Variants in PTPRK observed in about 807,000 individuals in gnomAD.
PTPRK encodes the protein receptor-type tyrosine-protein phosphatase kappa.
A neutral mutation model predicts 178.0 loss-of-function variants in PTPRK; 75 were observed. The ratio of observed to expected loss-of-function variants is 0.42; its 90% CI spans 0.35 to 0.51. PTPRK has a LOEUF of 0.51. PTPRK is among the 20% of genes least tolerant of loss of function. The pLI, the probability that PTPRK is intolerant of heterozygous loss-of-function variation, is 0.02. For synonymous variants in PTPRK, 637 were observed against 620.6 expected (o/e 1.03, Z -0.39); for missense variants, 1,441 against 1,797.8 (o/e 0.80, Z 3.59).
chr6:128,045,201 TACAC>T (rs140809889), intron 13 of PTPRK, among the ~76,000 whole-genome samples: 7 of 152,108 alleles, frequency 4.6e-5, no homozygotes, highest in African/African-American at 1.7e-4. Flanking sequence ...ATACTTATAT[TACAC>T]ACACACATTT....
intron 1 of PTPRK, among the ~76,000 whole-genome samples, chr6:128,469,608 G>C (rs569009712): frequency 6.6e-6 from 1 of 152,268 alleles, no homozygotes; most frequent in African/African-American, 2.4e-5. Flanking sequence ...ATTTAGATTA[G>C]ACTTGTGGTA....
At chr6:128,149,870 G>A (rs1419039416) in intron 7 of PTPRK, among the ~76,000 whole-genome samples, 3 of 152,108 alleles carry the variant, frequency 2.0e-5, no homozygotes, top group Non-Finnish European at 4.4e-5. Flanking sequence ...GGTAGTCACT[G>A]CTGAAGGCCT....
At chr6:128,346,896 T>C (rs1260013849) in intron 2 of PTPRK, among the ~76,000 whole-genome samples, 1 of 152,000 alleles carries the variant, frequency 6.6e-6, no homozygotes, top group Non-Finnish European at 1.5e-5. Context: ...CCTATAAAAA[T>C]AGGAAAGGAA....
At position 128,100,055 on chromosome 6, in the gene PTPRK, C is replaced by G. The variant is rs369665725; in HGVS notation, c.1163-10063G>C. 3.3e-5 allele frequency among the ~76,000 whole-genome samples: 5 copies of G among 151,988 alleles called. No homozygotes were observed. The South Asian group carries it at 1.0e-3, about 31-fold the overall frequency. On this transcript the variant is annotated intron_variant, in intron 7 of 29. Coordinates refer to ENST00000368226, the MANE Select transcript of PTPRK (RefSeq NM_002844.4). ...AGATGAATAAAACCTATCTAGTGCA[C>G]CAAAACATGAATCAGCATGTCAACA...
At chr6:128,067,899 A>G in intron 11 of PTPRK, 107 bp from the exon 12 acceptor site, 1 of 1,051,628 alleles carries the variant, frequency 9.5e-7, no homozygotes, top group Non-Finnish European at 1.3e-6. Context: ...ACCACATTTC[A>G]AAGTATTTAA....
At chr6:128,008,255 A>G (rs1002679608) in intron 14 of PTPRK, among the ~76,000 whole-genome samples, 2 of 151,038 alleles carry the variant, frequency 1.3e-5, no homozygotes, top group Admixed American at 1.3e-4. Flanking sequence ...ATCACTTATT[A>G]TATTTTTCAA....
At chr6:128,230,210 T>C (rs1187197865) in intron 5 of PTPRK, among the ~76,000 whole-genome samples, 1 of 152,158 alleles carries the variant, frequency 6.6e-6, no homozygotes, top group Non-Finnish European at 1.5e-5. Flanking sequence ...AGGGCATTAG[T>C]ATGCAATCAG....
At chr6:128,092,884 A>G (rs1474509711) in intron 7 of PTPRK, among the ~76,000 whole-genome samples, 1 of 152,304 alleles carries the variant, frequency 6.6e-6, no homozygotes, top group Admixed American at 6.5e-5. Context: ...AATCAAAATA[A>G]TTACTTGAAT....
intron 21 of PTPRK, among the ~76,000 whole-genome samples, chr6:127,990,406 T>C (rs980970573): frequency 3.3e-5 from 5 of 152,144 alleles, no homozygotes; most frequent in South Asian, 2.1e-4. Context: ...TGAGTTTTTC[T>C]TTGATCATCC....
intron 14 of PTPRK, chr6:128,008,016 T>C (rs1248642230): frequency 7.7e-7 from 1 of 1,301,348 alleles, no homozygotes; most frequent in Non-Finnish European, 1.0e-6. Flanking sequence ...CGTATGTAGC[T>C]AATTTAACAC....
At position 128,011,214 on chromosome 6, in the gene PTPRK, A is replaced by G. The variant is rs1173960141; in HGVS notation, c.2195-1946T>C. On this transcript the variant is annotated intron_variant, in intron 13 of 29. Coordinates refer to ENST00000368226, the MANE Select transcript of PTPRK (RefSeq NM_002844.4). ...AGAAGTTTGATGTAGAAATCTCTAG[A>G]AAAAAAGCTTTAGTCCATGCAACAA... is the stretch of plus-strand genomic sequence containing the variant. 4.6e-5 allele frequency among the ~76,000 whole-genome samples: 7 copies of G among 151,264 alleles called. No homozygotes were observed. In the East Asian group the frequency reaches 1.2e-3, roughly 25 times the overall value.
chr6:128,208,047 T>C (rs1301346575), intron 6 of PTPRK, among the ~76,000 whole-genome samples: 1 of 152,038 alleles, frequency 6.6e-6, no homozygotes, highest in African/African-American at 2.4e-5. Flanking sequence ...ATTTCTACCA[T>C]CCATGTTGAA....
chr6:128,433,217 C>T (rs1845063757), intron 1 of PTPRK, among the ~76,000 whole-genome samples: 1 of 152,180 alleles, frequency 6.6e-6, no homozygotes, highest in South Asian at 2.1e-4. Flanking sequence ...TTCCTTCTAT[C>T]TAACTGTATG....
chr6:128,220,671 G>A (rs761593520), intron 5 of PTPRK, among the ~76,000 whole-genome samples: 75 of 152,150 alleles, frequency 4.9e-4, no homozygotes, highest in Non-Finnish European at 7.5e-4. Context: ...AACCACCAGT[G>A]TATGTGGGAT....
intron 1 of PTPRK, among the ~76,000 whole-genome samples, chr6:128,469,553 T>C (rs951598276): frequency 1.3e-5 from 2 of 152,144 alleles, no homozygotes; most frequent in African/African-American, 2.4e-5. Flanking sequence ...TCCAAACAAA[T>C]AAGACTTTGG....
At chr6:128,518,637 T>G (rs1385088151) in intron 1 of PTPRK, among the ~76,000 whole-genome samples, 1 of 152,228 alleles carries the variant, frequency 6.6e-6, no homozygotes, top group African/African-American at 2.4e-5. Flanking sequence ...TATAATGAGT[T>G]ACATCAAGCA....
chr6:128,196,162 C>T (rs1360256010), intron 6 of PTPRK, among the ~76,000 whole-genome samples: 1 of 151,966 alleles, frequency 6.6e-6, no homozygotes, highest in Non-Finnish European at 1.5e-5. Context: ...AATATGTAGG[C>T]TTAATGATGG....
At chr6:128,146,339 A>G (rs1796478080) in intron 7 of PTPRK, among the ~76,000 whole-genome samples, 1 of 151,830 alleles carries the variant, frequency 6.6e-6, no homozygotes, top group South Asian at 2.1e-4. Flanking sequence ...TCAAAACTCC[A>G]ATGTACTTCT....
chr6:127,985,789 C>T lies in PTPRK; in HGVS notation c.3183G>A (p.Leu1061=), dbSNP rs1320390265. Residue 1061 remains leucine (L), a synonymous_variant, in exon 22 of 30, where the codon CTG becomes CTA. Coordinates refer to ENST00000368226, the MANE Select transcript of PTPRK (RefSeq NM_002844.4). ...DHGVPYHATG[L]LSFIRRVKLS... The stretch of plus-strand genomic sequence containing the variant: ...ACTTGACTCGCCGGATAAAGGAAAG[C>T]AGCCCTGTAGCATGGTAGGGCACTC... 1.9e-6 allele frequency: 3 copies of T among 1,613,754 alleles called. No individual in the cohort carries two copies. Among genetic ancestry groups the T allele is most frequent in the African/African-American group, 2.7e-5 (2 of 74,906 alleles).
Sources: allele counts gnomAD v4.1 joint callset (sites outside exome capture counted in the v4.1 genomes callset), GRCh38; gene constraint gnomAD v4.1.1; transcripts MANE v1.5; gene names NCBI Gene and HGNC (gene_info 2026-07-23, HGNC 2026-07-21).